The following GRIK4 variants were observed in gnomAD, a reference collection of about 807,000 sequenced individuals.
GRIK4 encodes the protein glutamate receptor ionotropic, kainate 4.
A neutral mutation model predicts 104.9 loss-of-function variants in GRIK4; 40 were observed. The ratio of observed to expected loss-of-function variants is 0.38; its 90% confidence interval spans 0.30 to 0.50. The LOEUF is 0.50. Among genes scored for constraint, GRIK4 ranks in the 20% least tolerant of loss-of-function variants. The pLI is 0.93. For synonymous variants in GRIK4, 485 were observed against 524.9 expected (o/e 0.92, Z 1.04); for missense variants, 1,047 against 1,308.1 (o/e 0.80, Z 3.08).
intron 17 of GRIK4, 31 bp downstream of exon 17, chr11:120,961,105 G>A (rs750563737): frequency 3.1e-6 from 5 of 1,591,140 alleles, no homozygotes; most frequent in South Asian, 1.1e-5. Context: ...CACCAGCATC[G>A]GGAATTGGGC....
intron 3 of GRIK4, among the ~76,000 whole-genome samples, chr11:120,773,634 C>T (rs565508817): frequency 2.0e-5 from 3 of 152,140 alleles, no homozygotes; most frequent in Admixed American, 6.5e-5. Flanking sequence ...CTGTGTTAGG[C>T]GAGAGTTAGA....
At chr11:120,805,978 T>C (rs1323743769) in intron 4 of GRIK4, among the ~76,000 whole-genome samples, 1 of 152,218 alleles carries the variant, frequency 6.6e-6, no homozygotes, top group Non-Finnish European at 1.5e-5. Flanking sequence ...GTCTCCCATG[T>C]ATTAGCTGTG....
chr11:120,541,004 C>T (rs1037181617), intron 1 of GRIK4, among the ~76,000 whole-genome samples: 4 of 152,230 alleles, frequency 2.6e-5, no homozygotes, highest in East Asian at 1.9e-4. Flanking sequence ...TTGTCTGCTA[C>T]ACGTGGCCCT....
intron 1 of GRIK4, among the ~76,000 whole-genome samples, chr11:120,579,698 G>T (rs1175624785): frequency 6.6e-6 from 1 of 152,180 alleles, no homozygotes; most frequent in Non-Finnish European, 1.5e-5. Context: ...GTATGGCCTT[G>T]GAGGCAACAG....
chr11:120,986,339 G>C lies in GRIK4; in HGVS notation c.*79G>C. On this transcript the variant is annotated 3_prime_UTR_variant, in exon 21 of 21. Transcript: ENST00000527524. ...GGGCGGGCGCTGCTGTCAGCCGCCA[G>C]CCGGAACTTGTACAGCGTCGACACC... 7.1e-7 allele frequency: 1 copy of C among 1,399,986 alleles called. No homozygotes were observed. The highest frequency in any genetic ancestry group is 9.3e-7 in the Non-Finnish European group (1 of 1,078,456). The allele number at this position is 1,399,986 out of a possible 1,614,324, so 86.7% of individuals were successfully genotyped here. A position where few individuals can be genotyped will look rare whatever the true frequency, so the allele number is the denominator to read the frequency against.
chr11:120,574,032 CT>C (rs1475207831), intron 1 of GRIK4, among the ~76,000 whole-genome samples: 10 of 152,226 alleles, frequency 6.6e-5, no homozygotes, highest in Non-Finnish European at 1.2e-4. Context: ...CCTCTCTCCC[CT>C]GGGACCGACA....
intron 13 of GRIK4, among the ~76,000 whole-genome samples, chr11:120,921,374 G>A (rs1017069420): frequency 1.3e-5 from 2 of 152,216 alleles, no homozygotes; most frequent in Non-Finnish European, 2.9e-5. Context: ...GATGGATGCT[G>A]TAAAGGCATG....
At chr11:120,899,370 G>A (rs1426381716) in intron 12 of GRIK4, among the ~76,000 whole-genome samples, 2 of 147,052 alleles carry the variant, frequency 1.4e-5, no homozygotes, top group African/African-American at 5.1e-5. Context: ...GCAGTGAGCC[G>A]AGATCGTGCC....
intron 3 of GRIK4, among the ~76,000 whole-genome samples, chr11:120,695,808 G>A (rs1950438873): frequency 6.6e-6 from 1 of 152,220 alleles, no homozygotes. Context: ...AGTTGGAGCC[G>A]CCATGCAGAT....
At chr11:120,660,084 A>G (rs1364552365) in intron 2 of GRIK4, among the ~76,000 whole-genome samples, 185 bp from the exon 3 acceptor site, 1 of 152,148 alleles carries the variant, frequency 6.6e-6, no homozygotes, top group African/African-American at 2.4e-5. Context: ...TCATCCAACC[A>G]CAGTTACAGC....
At chr11:120,743,937 C>T (rs1176323266) in intron 3 of GRIK4, among the ~76,000 whole-genome samples, 1 of 152,154 alleles carries the variant, frequency 6.6e-6, no homozygotes, top group Non-Finnish European at 1.5e-5. Context: ...CTTCAATCTT[C>T]ATTGTAACGA....
intron 1 of GRIK4, among the ~76,000 whole-genome samples, chr11:120,560,163 C>T (rs1370135053): frequency 6.6e-6 from 1 of 152,132 alleles, no homozygotes; most frequent in African/African-American, 2.4e-5. Flanking sequence ...ATTCTCATGC[C>T]TCAGCCTCCC....
intron 1 of GRIK4, among the ~76,000 whole-genome samples, chr11:120,572,215 C>G (rs1039843399): frequency 2.0e-5 from 3 of 152,162 alleles, no homozygotes; most frequent in Admixed American, 1.3e-4. Flanking sequence ...GCTCCACCCT[C>G]CTGATCTAGT....
intron 1 of GRIK4, among the ~76,000 whole-genome samples, chr11:120,556,147 G>A (rs548695011): frequency 6.6e-6 from 1 of 152,120 alleles, no homozygotes; most frequent in African/African-American, 2.4e-5. Flanking sequence ...GGGGAGTGCT[G>A]GTAAGCCTGG....
chr11:120,905,539 G>GGTTGGC lies in GRIK4; in HGVS notation c.1476+46_1476+47insGTTGGC. 2.0e-6 allele frequency: 1 copy of GGTTGGC among 503,048 alleles called. No individual in the cohort carries two copies. The highest frequency in any genetic ancestry group is 4.0e-6 in the Non-Finnish European group (1 of 248,896). The allele number at this position is 503,048 out of a possible 1,614,324, so 31.2% of individuals were successfully genotyped here. On this transcript the variant is annotated intron_variant, in intron 13 of 20. Transcript: ENST00000527524. The surrounding 1 kb of genome is among the most constrained non-coding windows in gnomAD (Gnocchi z 5.1). The stretch of plus-strand genomic sequence containing the variant: ...CTGGGCCTGAGGGTGGGCTGGGAGG[G>GGTTGGC]ATTGGAAGAGCATGAGGTTGTGCTG...
At chr11:120,818,925 G>T (rs1953030732) in intron 5 of GRIK4, among the ~76,000 whole-genome samples, 1 of 152,188 alleles carries the variant, frequency 6.6e-6, no homozygotes, top group Non-Finnish European at 1.5e-5. Context: ...CAAGGTGGAT[G>T]GCAGATTATT....
At chr11:120,801,856 C>T (rs1299728976) in intron 3 of GRIK4, among the ~76,000 whole-genome samples, 1 of 152,162 alleles carries the variant, frequency 6.6e-6, no homozygotes, top group African/African-American at 2.4e-5. Flanking sequence ...GCCCAAGGCT[C>T]TCTCCACTTC....
In GRIK4 at chr11:120,658,727, C is replaced by CTTTT. The variant is rs71050753; in HGVS notation, c.-50-1506_-50-1503dup. On this transcript the variant is annotated intron_variant, in intron 2 of 20. Coordinates refer to ENST00000527524, the MANE Select transcript of GRIK4 (RefSeq NM_014619.5). ...TCTGTCTAGGGGTTGGAGGACGAAA[C>CTTTT]TTTTTTTTTTTTTTTTTTTTTTTTT... Among the ~76,000 whole-genome samples the CTTTT allele has an allele frequency of 7.1e-5, 4 of 56,694 alleles. 1 individual carries two copies. The highest frequency in any genetic ancestry group is 1.2e-4 in the Non-Finnish European group (3 of 26,022). The allele number at this position is 56,694 out of a possible 152,430, so 37.2% of individuals were successfully genotyped here. A position where few individuals can be genotyped will look rare whatever the true frequency, so the allele number is the denominator to read the frequency against.
chr11:120,684,113 C>T (rs1298915906), intron 3 of GRIK4, among the ~76,000 whole-genome samples: 2 of 152,062 alleles, frequency 1.3e-5, no homozygotes, highest in Admixed American at 6.5e-5. Context: ...TTGCTTGAGG[C>T]CAGGAGTTCG....
Sources: allele counts gnomAD v4.1 joint callset (sites outside exome capture counted in the v4.1 genomes callset), GRCh38; gene constraint gnomAD v4.1.1; non-coding constraint Gnocchi (gnomAD v3.1); transcripts MANE v1.5; gene names NCBI Gene and HGNC (gene_info 2026-07-23, HGNC 2026-07-21).